ACACA: variants seen among roughly 807,000 people sequenced by gnomAD.
ACACA encodes acetyl-CoA carboxylase alpha.
Under a neutral mutation model 296.1 loss-of-function variants are expected in ACACA, and 103 were observed. The observed-to-expected ratio is 0.35, with a 90% CI of 0.30 to 0.41. ACACA has a LOEUF of 0.41. Ranked by LOEUF, ACACA falls within the 10% of genes least tolerant of loss-of-function variation. ACACA has a pLI of 1.00. For missense variants in ACACA, 1,554 were observed against 2,989.7 expected, an observed-to-expected ratio of 0.52 and a Z score of 11.20; for synonymous variants, 953 against 1,038.6, an observed-to-expected ratio of 0.92 and a Z score of 1.58.
chr17:37,155,363 T>G (rs918637555), intron 43 of ACACA, among the ~76,000 whole-genome samples: 1 of 152,162 alleles, frequency 6.6e-6, no homozygotes, highest in African/African-American at 2.4e-5. Flanking sequence ...GATATGTCTA[T>G]AGAAAAGACA....
In ACACA at chr17:37,097,733, G is replaced by T; in HGVS notation, c.6720+97C>A. 1 of 1,443,902 alleles carries T rather than the reference G, an allele frequency of 6.9e-7. No individual in the cohort carries two copies. The highest frequency in any genetic ancestry group is 9.5e-7 in the Non-Finnish European group (1 of 1,050,730). The allele number at this position is 1,443,902 out of a possible 1,614,324, so 89.4% of individuals were successfully genotyped here. ...GATCTGCAGAAGTTGTTTTAATTTGGCCCTCATAGCTCCCTGCTTATGAGC... is the reference window on the plus strand; with the variant it reads ...GATCTGCAGAAGTTGTTTTAATTTGTCCCTCATAGCTCCCTGCTTATGAGC... On this transcript the variant is annotated intron_variant, in intron 53 of 55. Transcript: ENST00000616317. This position sits in a 1 kb window ranked among gnomAD's most constrained non-coding sequence, Gnocchi z 4.8.
At chr17:37,405,094 C>T (rs963178205) in intron 1 of ACACA, among the ~76,000 whole-genome samples, 12 of 152,188 alleles carry the variant, frequency 7.9e-5, no homozygotes, top group Non-Finnish European at 1.2e-4. Flanking sequence ...TGCTGCTTCT[C>T]TTCTAGGATA....
chr17:37,176,549 G>A (rs1001516584), intron 41 of ACACA, among the ~76,000 whole-genome samples: 1 of 152,158 alleles, frequency 6.6e-6, no homozygotes, highest in African/African-American at 2.4e-5. Flanking sequence ...GGGGTAATAT[G>A]TAGAGTGCCA....
intron 33 of ACACA, among the ~76,000 whole-genome samples, chr17:37,205,218 AG>A (rs1246924733): frequency 6.6e-6 from 1 of 152,128 alleles, no homozygotes; most frequent in Non-Finnish European, 1.5e-5. Flanking sequence ...TGGGAGTAAA[AG>A]GTATAGTGAG....
chr17:37,390,304 T>TA (rs2050786450), intron 1 of ACACA, among the ~76,000 whole-genome samples: 2 of 17,970 alleles, frequency 1.1e-4, no homozygotes, highest in African/African-American at 3.8e-4. Flanking sequence ...TTATACATAA[T>TA]TATATATATA....
chr17:37,105,864 CAA>C (rs61529137), intron 52 of ACACA, among the ~76,000 whole-genome samples: 45,862 of 115,300 alleles, frequency 0.4, 9,999 homozygotes, highest in African/African-American at 0.65. Context: ...AACTCTGTCT[CAA>C]AAAAAAAAAA....
chr17:37,200,471 C>G lies in ACACA; in HGVS notation c.4069G>C (p.Val1357Leu). Reference protein sequence around the residue: ...EFTQQNKATLVDHGIRRLTFL... With the variant: ...EFTQQNKATLLDHGIRRLTFL... The stretch of plus-strand genomic sequence containing the variant: ...GTAAGGCGCCGGATCCCATGGTCAA[C>G]CAGGGTAGCTTTCTAGGAGCAAAAA... Residue 1357 changes from valine (V) to leucine (L), a missense_variant, in exon 34 of 56, where the codon GTT becomes CTT. Physicochemically the swap from Val to Leu is conservative, Grantham distance 32. Around this residue, in one of 16 missense-constraint regions of ACACA, gnomAD observed 179 missense variants for 283.2 expected, o/e 0.63. Transcript: ENST00000616317. The G allele has an allele frequency of 6.2e-7, 1 of 1,613,054 alleles. No homozygotes were observed. The highest frequency in any genetic ancestry group is 8.5e-7 in the Non-Finnish European group (1 of 1,179,082).
chr17:37,157,765 A>G (rs1386399889), intron 42 of ACACA, among the ~76,000 whole-genome samples: 39 of 151,834 alleles, frequency 2.6e-4, no homozygotes, highest in African/African-American at 9.2e-4. Context: ...CGAACTCCTG[A>G]CCTCAAGTTG....
chr17:37,085,867 G>T lies in ACACA; in HGVS notation c.*1449C>A. ...ACCACTGCTTCTCAAATGTCTTAGTGATTTCCTCCTTGGTCATCAGTGACA... is the reference window on the plus strand; with the variant it reads ...ACCACTGCTTCTCAAATGTCTTAGTTATTTCCTCCTTGGTCATCAGTGACA... On this transcript the variant is annotated 3_prime_UTR_variant, in exon 56 of 56. Coordinates refer to ENST00000616317, the MANE Select transcript of ACACA (RefSeq NM_198834.3). 5.0e-6 allele frequency: 2 copies of T among 399,066 alleles called. No individual in the cohort carries two copies. Among genetic ancestry groups the T allele is most frequent in the South Asian group, 2.6e-4 (2 of 7,812 alleles). 24.7% of individuals were successfully genotyped at this position (399,066 alleles called of 1,614,324 possible).
chr17:37,243,993 C>T (rs937826701), intron 21 of ACACA, among the ~76,000 whole-genome samples: 1 of 151,666 alleles, frequency 6.6e-6, no homozygotes, highest in African/African-American at 2.4e-5. Context: ...AGATTACAGG[C>T]GTGAGCCAAC....
intron 1 of ACACA, chr17:37,379,243 G>A: frequency 6.2e-7 from 1 of 1,613,968 alleles, no homozygotes; most frequent in Non-Finnish European, 8.5e-7. Context: ...TTGTATATTT[G>A]GAGAGAAGGC....
chr17:37,111,446 G>T, intron 52 of ACACA, 85 bp downstream of exon 52: 1 of 964,946 alleles, frequency 1.0e-6, no homozygotes, highest in South Asian at 1.3e-5. Context: ...AAATGCTTCA[G>T]TGCCTCCTCC....
intron 4 of ACACA, among the ~76,000 whole-genome samples, chr17:37,283,705 C>G (rs914344251): frequency 3.3e-5 from 5 of 152,160 alleles, no homozygotes; most frequent in African/African-American, 1.2e-4. Context: ...GTGAATTATT[C>G]TACCATACTA....
At chr17:37,334,121 CA>C (rs1291653185) in intron 2 of ACACA, among the ~76,000 whole-genome samples, 2 of 151,946 alleles carry the variant, frequency 1.3e-5, no homozygotes, top group Non-Finnish European at 2.9e-5. Flanking sequence ...ACTCAAATGA[CA>C]TCTAAAAAAG....
chr17:37,259,614 T>A, intron 11 of ACACA, 84 bp from the exon 12 acceptor site: 1 of 1,468,408 alleles, frequency 6.8e-7, no homozygotes, highest in Non-Finnish European at 9.5e-7. Context: ...ACTCAACTGT[T>A]CAGTGTGTAT....
At chr17:37,172,106 T>C (rs188110439) in intron 41 of ACACA, among the ~76,000 whole-genome samples, 9 of 152,218 alleles carry the variant, frequency 5.9e-5, no homozygotes, top group East Asian at 1.9e-4. Context: ...CATAGGGTAC[T>C]ATGTCACATT....
chr17:37,229,720 G>C (rs1430070707), intron 25 of ACACA, among the ~76,000 whole-genome samples: 3 of 151,998 alleles, frequency 2.0e-5, no homozygotes, highest in Non-Finnish European at 4.4e-5. Context: ...CAGTAAAAAA[G>C]GGCTTCAGGA....
chr17:37,326,381 AT>A (rs2047622272), intron 3 of ACACA, among the ~76,000 whole-genome samples: 1 of 150,828 alleles, frequency 6.6e-6, no homozygotes. Context: ...AAAACACAAA[AT>A]CAGCCTGGCG....
At chr17:37,221,904 GAA>G in intron 28 of ACACA, 62 bp from the exon 29 acceptor site, 4 of 1,431,686 alleles carry the variant, frequency 2.8e-6, no homozygotes, top group Non-Finnish European at 3.9e-6. Flanking sequence ...AAATAGCCCA[GAA>G]AAAGAGTCTT....
Sources: gnomAD v4.1 joint callset for allele counts (sites outside exome capture counted in the v4.1 genomes callset) on GRCh38, gnomAD v4.1.1 for gene constraint, gnomAD v4.1.1 regional missense constraint, Gnocchi (gnomAD v3.1) non-coding constraint, MANE v1.5 for transcripts, NCBI Gene and HGNC (gene_info 2026-07-23, HGNC 2026-07-21) for gene names.